The following FLNB variants were observed in gnomAD, a reference collection of about 807,000 sequenced individuals.
FLNB encodes the protein filamin-B.
FLNB carries 111 observed loss-of-function variants against 250.6 expected under a neutral mutation model. That is an observed-to-expected ratio of 0.44 (90% CI 0.38 to 0.52). The LOEUF is 0.52. Ranked by LOEUF, FLNB falls within the 20% of genes least tolerant of loss-of-function variation. The probability of loss-of-function intolerance (pLI) is 0.00; values close to 1 mark genes in which losing one functional copy is unlikely to be tolerated. For synonymous variants in FLNB, 1,302 were observed against 1,372.1 expected (o/e 0.95, Z 1.13); for missense variants, 2,869 against 3,447.8 (o/e 0.83, Z 4.20).
chr3:58,063,784 T>A (rs1177026754), intron 1 of FLNB, among the ~76,000 whole-genome samples: 1 of 152,168 alleles, frequency 6.6e-6, no homozygotes, highest in African/African-American at 2.4e-5. Flanking sequence ...GAAGCTGATT[T>A]CTCCCCTTTT....
chr3:58,112,311 C>T lies in FLNB; in HGVS notation c.2738C>T (p.Thr913Ile), dbSNP rs778529384. 1.2e-6 allele frequency: 2 copies of T among 1,613,252 alleles called. No homozygotes were observed. Among genetic ancestry groups the T allele is most frequent in the South Asian group, 2.2e-5 (2 of 91,044 alleles). ...DYSHTVKYTP[T>I]QQGNMQVLVT... The stretch of plus-strand genomic sequence containing the variant: ...TCTCACACGGTTAAATATACACCCA[C>T]CCAACAGGTAGGGTCCTTCTCCCCT... The change falls in exon 18 of 46, where the codon ACC (threonine) becomes ATC (isoleucine). Residue 913 changes from threonine to isoleucine, a missense_variant. Transcript: ENST00000295956.
chr3:58,149,893 G>A lies in FLNB; in HGVS notation c.6135G>A (p.Val2045=), dbSNP rs2097341953. ...TGGCGGTGGAAGGCCCCAGCAAAGT[G>A]GACATCCAGACGGAGGACCTGGAAG... ...ISLAVEGPSK[V]DIQTEDLEDG... Residue 2045 remains valine, a synonymous_variant, in exon 37 of 46, where the codon GTG becomes GTA. Coordinates refer to ENST00000295956, the MANE Select transcript of FLNB (RefSeq NM_001457.4). 2.5e-6 allele frequency: 4 copies of A among 1,614,128 alleles called. No homozygotes were observed. The highest frequency in any genetic ancestry group is 2.7e-5 in the African/African-American group (2 of 74,944).
rs577089293 is a variant in FLNB, at chr3:58,168,797, T to A, written c.7417+139T>A. Reference sequence around the variant, plus strand: ...TTGAATGTCAGTAAATAGTATGAGATGTCAGAGGGCAGTGTTTGAAACTTA... The same window carrying A: ...TTGAATGTCAGTAAATAGTATGAGAAGTCAGAGGGCAGTGTTTGAAACTTA... On this transcript the variant is annotated intron_variant, in intron 44 of 45. Transcript: ENST00000295956. The A allele has an allele frequency of 5.6e-6, 4 of 716,984 alleles. No homozygotes were observed. The African/African-American group carries it at 7.0e-5, about 13-fold the overall frequency. 44.4% of individuals were successfully genotyped at this position (716,984 alleles called of 1,614,324 possible). A position where few individuals can be genotyped will look rare whatever the true frequency, so the allele number is the denominator to read the frequency against.
chr3:58,103,371 C>T (rs184602493), intron 9 of FLNB, among the ~76,000 whole-genome samples: 3 of 152,214 alleles, frequency 2.0e-5, no homozygotes, highest in East Asian at 1.9e-4. Context: ...CTTGACTCAA[C>T]GGCTTTCCTG....
intron 38 of FLNB, chr3:58,151,234 A>T (rs942239729): frequency 5.3e-5 from 8 of 152,000 alleles, no homozygotes; most frequent in African/African-American, 1.9e-4. Flanking sequence ...TCTTCTAAAA[A>T]TACAAAAATA....
Position 58,077,032 on chromosome 3 carries a change from G to T in FLNB, c.293-14G>T. 12 of 1,614,042 alleles carry T rather than the reference G, an allele frequency of 7.4e-6. No homozygotes were observed. Among genetic ancestry groups the T allele is most frequent in the Non-Finnish European group, 1.0e-5 (12 of 1,179,968 alleles). The stretch of plus-strand genomic sequence containing the variant: ...AACCCAAAGGAATGACCAAGCCTGT[G>T]CTTCTCTCCCCAGATAGCAAAGCCA... On this transcript the variant is annotated splice_polypyrimidine_tract_variant and intron_variant, in intron 1 of 45. Coordinates refer to ENST00000295956, the MANE Select transcript of FLNB (RefSeq NM_001457.4).
Position 58,142,621 on chromosome 3 carries a change from A to C in FLNB, c.5182-29A>C. 6.4e-7 allele frequency: 1 copy of C among 1,572,710 alleles called. No individual in the cohort carries two copies. Among genetic ancestry groups the C allele is most frequent in the Non-Finnish European group, 8.8e-7 (1 of 1,142,856 alleles). On this transcript the variant is annotated intron_variant, in intron 30 of 45. Coordinates refer to ENST00000295956, the MANE Select transcript of FLNB (RefSeq NM_001457.4). The surrounding 1 kb of genome is among the most constrained non-coding windows in gnomAD (Gnocchi z 4.3). ...ACCAGCTCCCGCTGTTGTCTGCTTT[A>C]CCCAGTGACCACTGCCTTCTGTTTT...
intron 1 of FLNB, among the ~76,000 whole-genome samples, chr3:58,038,435 G>C (rs931948707): frequency 2.1e-5 from 3 of 142,470 alleles, no homozygotes; most frequent in African/African-American, 8.8e-5. Context: ...TTTGTGAATT[G>C]ATGGCTTTTT....
At chr3:58,061,722 G>C (rs2097178786) in intron 1 of FLNB, among the ~76,000 whole-genome samples, 1 of 149,812 alleles carries the variant, frequency 6.7e-6, no homozygotes, top group Non-Finnish European at 1.5e-5. Context: ...CTAGGTGACA[G>C]AGTGAGACCC....
At chr3:58,092,076 G>T (rs1340862713) in intron 4 of FLNB, among the ~76,000 whole-genome samples, 1 of 152,042 alleles carries the variant, frequency 6.6e-6, no homozygotes, top group African/African-American at 2.4e-5. Flanking sequence ...AACCCAATAA[G>T]AAAATGGGCA....
intron 26 of FLNB, among the ~76,000 whole-genome samples, chr3:58,133,437 GAAAAAAAAAA>G (rs55916881): frequency 2.3e-3 from 158 of 67,618 alleles, no homozygotes; most frequent in African/African-American, 6.2e-3. Context: ...GACATCTCTG[GAAAAAAAAAA>G]AAAAAAAAAA....
Position 58,098,841 on chromosome 3 carries a change from C to T in FLNB, c.1278C>T (p.His426=), listed in dbSNP as rs572259451. The T allele has an allele frequency of 3.7e-4, 593 of 1,614,158 alleles. 4 individuals carry two copies. In the South Asian group the frequency reaches 5.0e-3, roughly 14 times the overall value. ...ACAAACCCATGCAGCCTGGCCCTCA[C>T]GTGGTCAAGATCTTCTTTGCTGGGG... ...CVYKPMQPGP[H]VVKIFFAGDT... The change falls in exon 8 of 46, where the codon CAC becomes CAT. Residue 426 remains histidine, a synonymous_variant. Coordinates refer to ENST00000295956, the MANE Select transcript of FLNB (RefSeq NM_001457.4).
intron 43 of FLNB, chr3:58,165,301 G>T (rs1202688523): frequency 6.6e-6 from 1 of 152,322 alleles, no homozygotes; most frequent in Admixed American, 6.5e-5. Context: ...GCAAGTGCTG[G>T]ACGCTGCTGA....
At chr3:58,094,407 G>A (rs1029229222) in intron 4 of FLNB, among the ~76,000 whole-genome samples, 1 of 152,180 alleles carries the variant, frequency 6.6e-6, no homozygotes, top group Non-Finnish European at 1.5e-5. Flanking sequence ...AATCTGTCTC[G>A]ATGAATTTGC....
chr3:58,124,399 C>A lies in FLNB; in HGVS notation c.3792C>A (p.Asp1264Glu), dbSNP rs200622119. Residue 1264 changes from aspartate (D) to glutamate (E), a missense_variant, in exon 22 of 46, where the codon GAC becomes GAA. By Grantham distance (45) the Asp-to-Glu change is conservative. Transcript: ENST00000295956. Reference sequence around the variant, plus strand: ...GGCCGCTGACCCAGGTTGGGGGTGACCACATCAAGGCCCACATTGCCAACC... The same window carrying A: ...GGCCGCTGACCCAGGTTGGGGGTGAACACATCAAGGCCCACATTGCCAACC... ...DSRPLTQVGG[D>E]HIKAHIANPS... 2.1e-4 allele frequency: 346 copies of A among 1,614,232 alleles called. 1 individual carries two copies. In the East Asian group the frequency reaches 7.5e-3, roughly 35 times the overall value.
intron 33 of FLNB, 163 bp from the exon 34 acceptor site, chr3:58,146,657 A>G: frequency 1.4e-6 from 1 of 710,918 alleles, no homozygotes; most frequent in Admixed American, 2.2e-5. Context: ...TACTGCGTGG[A>G]CTGCTTCATT....
chr3:58,055,004 T>TGCCTGTAATTCCA (rs1361293479), intron 1 of FLNB, among the ~76,000 whole-genome samples: 1 of 152,142 alleles, frequency 6.6e-6, no homozygotes, highest in African/African-American at 2.4e-5. Flanking sequence ...TGGTGGCTCA[T>TGCCTGTAATTCCA]GCCTGTAATT....
At chr3:58,099,931 T>C (rs1266546030) in intron 8 of FLNB, among the ~76,000 whole-genome samples, 1 of 152,206 alleles carries the variant, frequency 6.6e-6, no homozygotes, top group Admixed American at 6.5e-5. Context: ...AAGGAGCTGG[T>C]GGTGCCCTTC....
At chr3:58,035,408 A>G (rs2097136622) in intron 1 of FLNB, among the ~76,000 whole-genome samples, 1 of 152,196 alleles carries the variant, frequency 6.6e-6, no homozygotes, top group Admixed American at 6.5e-5. Flanking sequence ...ATATCAGGTA[A>G]CTTCATTTGT....
Sources: allele counts gnomAD v4.1 joint callset (sites outside exome capture counted in the v4.1 genomes callset), GRCh38; gene constraint gnomAD v4.1.1; non-coding constraint Gnocchi (gnomAD v3.1); transcripts MANE v1.5; gene names NCBI Gene and HGNC (gene_info 2026-07-23, HGNC 2026-07-21).